The following BPTF variants were observed in gnomAD, a reference collection of about 807,000 sequenced individuals.
The protein encoded by BPTF is nucleosome-remodeling factor subunit BPTF.
BPTF carries 18 observed loss-of-function variants against 292.5 expected under a neutral mutation model. That is an observed-to-expected ratio of 0.06 (90% CI 0.04 to 0.09). The LOEUF is 0.09. Ranked by LOEUF, BPTF falls within the 10% of genes least tolerant of loss-of-function variation. BPTF has a pLI of 1.00. For missense variants in BPTF, 2,726 were observed against 3,498.7 expected, an observed-to-expected ratio of 0.78 and a Z score of 5.57; for synonymous variants, 1,225 against 1,251.9, an observed-to-expected ratio of 0.98 and a Z score of 0.45.
intron 23 of BPTF, among the ~76,000 whole-genome samples, chr17:67,958,715 A>C (rs1394664861): frequency 6.6e-6 from 1 of 152,064 alleles, no homozygotes; most frequent in Non-Finnish European, 1.5e-5. Flanking sequence ...TAGGCAACAA[A>C]GCACTTTGGG....
chr17:67,928,168 G>A (rs1352522692), intron 15 of BPTF, among the ~76,000 whole-genome samples, 187 bp from the exon 16 acceptor site: 1 of 152,124 alleles, frequency 6.6e-6, no homozygotes, highest in East Asian at 1.9e-4. Context: ...ACAGGTGTGA[G>A]CCACCGCAGC....
At chr17:67,950,051 C>CAA (rs567911150) in intron 23 of BPTF, among the ~76,000 whole-genome samples, 6,019 of 68,046 alleles carry the variant, frequency 0.088, 690 homozygotes, top group Non-Finnish European at 0.12. Flanking sequence ...GAGACTGTCT[C>CAA]AAAAAAAAAA....
Position 67,912,899 on chromosome 17 carries a change from T to G in BPTF, c.5015T>G (p.Leu1672Arg). The G allele has an allele frequency of 1.2e-6, 2 of 1,614,214 alleles. No individual in the cohort carries two copies. The highest frequency in any genetic ancestry group is 8.5e-7 in the Non-Finnish European group (1 of 1,180,034). ...TDSLTTTGGT[L>R]VTSMTVSKEY... ...TCCCTGACCACCACGGGAGGCACAC[T>G]GGTTACATCTATGACTGTGAGCAAA... The change falls in exon 11 of 28, where the codon CTG (leucine) becomes CGG (arginine). Residue 1672 changes from leucine to arginine, a missense_variant. This residue lies in a region of BPTF where 144 missense variants were observed against 177.2 expected (regional missense o/e 0.81). Transcript: ENST00000306378.
chr17:67,956,134 C>G (rs369837099), intron 23 of BPTF: 1 of 150,550 alleles, frequency 6.6e-6, no homozygotes, highest in Non-Finnish European at 1.5e-5. Context: ...CTGGCTAACA[C>G]GGTGAAACCC....
At chr17:67,891,675 G>A in intron 4 of BPTF, 169 bp from the exon 5 acceptor site, 2 of 426,834 alleles carry the variant, frequency 4.7e-6, no homozygotes, top group Admixed American at 4.4e-5. Flanking sequence ...TTTCTTTTAA[G>A]TAAAAAACTT....
rs2059965564 is a variant in BPTF, at chr17:67,874,958, C to T, written c.1802C>T (p.Ser601Phe). The change falls in exon 4 of 28, where the codon TCC (serine) becomes TTC (phenylalanine). Residue 601 changes from serine (S) to phenylalanine (F), a missense_variant. Transcript: ENST00000306378. ...AACAGAGAAGAATTTGAAGACCAGT[C>T]CCTTGAAAAAGACAGTGACGACAAA... ...EKNREEFEDQ[S>F]LEKDSDDKTP... 1 of 1,613,724 alleles carries T rather than the reference C, an allele frequency of 6.2e-7. No individual in the cohort carries two copies. Among genetic ancestry groups the T allele is most frequent in the East Asian group, 2.2e-5 (1 of 44,798 alleles).
rs374037905 is a variant in BPTF at position 67,961,933 on chromosome 17, C to T, written c.8261+2058C>T. ...AGGTTGCAGTGAGCCGAGATCATGC[C>T]ACTGTACTCCAGCCTGGGAGACAGA... On this transcript the variant is annotated intron_variant, in intron 24 of 27. Transcript: ENST00000306378. 4.0e-5 allele frequency among the ~76,000 whole-genome samples: 6 copies of T among 151,530 alleles called. No individual in the cohort carries two copies. The South Asian group carries it at 1.3e-3, about 32-fold the overall frequency.
rs77341889 is a variant in BPTF, at chr17:67,938,945, T to G, written c.6260-1494T>G. On this transcript the variant is annotated intron_variant, in intron 18 of 27. Coordinates refer to ENST00000306378, the MANE Select transcript of BPTF (RefSeq NM_182641.4). ...CCAACCTGTGGTAATTGAGGAAATT[T>G]AGCACTGTGATACATGATACTATTT... is the stretch of plus-strand genomic sequence containing the variant. 4.0e-3 allele frequency among the ~76,000 whole-genome samples: 615 copies of G among 152,324 alleles called. 5 individuals carry two copies. Among genetic ancestry groups the G allele is most frequent in the African/African-American group, 0.014 (574 of 41,564 alleles).
chr17:67,929,458 G>A lies in BPTF; in HGVS notation c.6121G>A (p.Gly2041Ser). 1 of 1,614,092 alleles carries A rather than the reference G, an allele frequency of 6.2e-7. No individual in the cohort carries two copies. The highest frequency in any genetic ancestry group is 8.5e-7 in the Non-Finnish European group (1 of 1,180,014). ...AGTCACAATTAGGCCCAATACCTCAGGCTCTGGAGGAACCACAAGCAATTC... is the reference window on the plus strand; with the variant it reads ...AGTCACAATTAGGCCCAATACCTCAAGCTCTGGAGGAACCACAAGCAATTC... Reference protein sequence around the residue: ...ATVTIRPNTSGSGGTTSNSQV... With the variant: ...ATVTIRPNTSSSGGTTSNSQV... Residue 2041 changes from glycine (G) to serine (S), a missense_variant, in exon 17 of 28, where the codon GGC becomes AGC. Around this residue, in one of 22 missense-constraint regions of BPTF, gnomAD observed 570 missense variants for 633.5 expected, o/e 0.90. Transcript: ENST00000306378.
Position 67,912,589 on chromosome 17 carries a change from A to G in BPTF, c.4705A>G (p.Ile1569Val). Reference sequence around the variant, plus strand: ...CTTTATTGATGAAAATGGTCTGCCCATCAACAAAAATGAAAATGTCAATGG... The same window carrying G: ...CTTTATTGATGAAAATGGTCTGCCCGTCAACAAAAATGAAAATGTCAATGG... Reference protein sequence around the residue: ...NDFIDENGLPINKNENVNGES... With the variant: ...NDFIDENGLPVNKNENVNGES... The change falls in exon 11 of 28, where the codon ATC becomes GTC. Residue 1569 changes from isoleucine to valine, a missense_variant. Transcript: ENST00000306378. 1 of 1,613,188 alleles carries G rather than the reference A, an allele frequency of 6.2e-7. No individual in the cohort carries two copies. Among genetic ancestry groups the G allele is most frequent in the Non-Finnish European group, 8.5e-7 (1 of 1,179,820 alleles).
Position 67,892,979 on chromosome 17 carries a change from A to G in BPTF, c.2056-391A>G, listed in dbSNP as rs146757298. 4.4e-3 allele frequency among the ~76,000 whole-genome samples: 676 copies of G among 152,310 alleles called. 5 individuals are homozygous for G. Among genetic ancestry groups the G allele is most frequent in the African/African-American group, 0.015 (633 of 41,558 alleles). The stretch of plus-strand genomic sequence containing the variant: ...GACCCGAAAGGATGTTTTTAGGAAT[A>G]TATTTTTTGGGGGATAGTACATGCG... On this transcript the variant is annotated intron_variant, in intron 5 of 27. Coordinates refer to ENST00000306378, the MANE Select transcript of BPTF (RefSeq NM_182641.4).
At chr17:67,938,651 C>T (rs919078534) in intron 18 of BPTF, among the ~76,000 whole-genome samples, 1 of 152,130 alleles carries the variant, frequency 6.6e-6, no homozygotes, top group African/African-American at 2.4e-5. Context: ...CGTGTTACAA[C>T]ATATACCAGG....
At position 67,944,289 on chromosome 17, in the gene BPTF, T is replaced by C; in HGVS notation, c.6617T>C (p.Val2206Ala). ...LMQAAMPNGT[V>A]QRFLFTPLAT... ...CAAGCTGCAATGCCAAATGGTACTG[T>C]TCAGCGATTCCTCTTTACCCCATTG... Residue 2206 changes from valine (V) to alanine (A), a missense_variant, in exon 20 of 28, where the codon GTT becomes GCT. This residue lies in a region of BPTF where 570 missense variants were observed against 633.5 expected (regional missense o/e 0.90). Transcript: ENST00000306378. 6.2e-7 allele frequency: 1 copy of C among 1,614,104 alleles called. No individual in the cohort carries two copies. The highest frequency in any genetic ancestry group is 8.5e-7 in the Non-Finnish European group (1 of 1,180,020).
chr17:67,980,715 C>T (rs1336348240), intron 27 of BPTF, among the ~76,000 whole-genome samples: 1 of 152,132 alleles, frequency 6.6e-6, no homozygotes. Context: ...AGATGGAGGC[C>T]TAGGCTGGGC....
At chr17:67,860,900 A>G (rs1384227032) in intron 2 of BPTF, among the ~76,000 whole-genome samples, 1 of 152,216 alleles carries the variant, frequency 6.6e-6, no homozygotes, top group Admixed American at 6.5e-5. Flanking sequence ...TTCCGAATCA[A>G]CTAAACTATG....
At position 67,948,368 on chromosome 17, in the gene BPTF, C is replaced by G. The variant is rs1018825634; in HGVS notation, c.7926+62C>G. On this transcript the variant is annotated intron_variant, in intron 23 of 27. Transcript: ENST00000306378. ...TTAACATCTGAGGTTCTGCTTTTTT[C>G]CCTTGCCTTTTTAATAAAGCTTAAA... 1.7e-5 allele frequency: 24 copies of G among 1,426,958 alleles called. No homozygotes were observed. In the East Asian group the frequency reaches 5.5e-4, roughly 33 times the overall value. 88.4% of individuals were successfully genotyped at this position (1,426,958 alleles called of 1,614,324 possible).
chr17:67,900,246 A>G lies in BPTF; in HGVS notation c.2544-3543A>G, dbSNP rs1430746492. On this transcript the variant is annotated intron_variant, in intron 7 of 27. Transcript: ENST00000306378. ...CAGCCTGCTGAGTAGCTGGGATTAC[A>G]GACAAGTACCACAATGCCCGGCTAA... Among the ~76,000 whole-genome samples the G allele has an allele frequency of 3.3e-5, 5 of 152,000 alleles. No individual in the cohort carries two copies. In the East Asian group the frequency reaches 9.8e-4, roughly 30 times the overall value.
At chr17:67,834,659 C>T (rs896066592) in intron 1 of BPTF, among the ~76,000 whole-genome samples, 8 of 152,072 alleles carry the variant, frequency 5.3e-5, no homozygotes, top group Admixed American at 2.0e-4. Flanking sequence ...TTATTTAACC[C>T]CTTTATCTCT....
rs576035301 is a variant in BPTF, at chr17:67,984,007, A to T, written c.*1719A>T. 14 of 152,698 alleles carry T rather than the reference A, an allele frequency of 9.2e-5. No individual in the cohort carries two copies. The highest frequency in any genetic ancestry group is 1.0e-4 in the Non-Finnish European group (7 of 68,036). 9.5% of individuals were successfully genotyped at this position (152,698 alleles called of 1,614,324 possible). On this transcript the variant is annotated 3_prime_UTR_variant, in exon 28 of 28. Coordinates refer to ENST00000306378, the MANE Select transcript of BPTF (RefSeq NM_182641.4). ...ACAAACTAAAGACTAATCGCTCAAT[A>T]TGAAAACATGAAAAAATTTTTGCTT...
Sources: allele counts gnomAD v4.1 joint callset (sites outside exome capture counted in the v4.1 genomes callset), GRCh38; gene constraint gnomAD v4.1.1; regional missense constraint gnomAD v4.1.1; transcripts MANE v1.5; gene names NCBI Gene and HGNC (gene_info 2026-07-23, HGNC 2026-07-21).